The following PCDHA9 variants were observed in gnomAD, a reference collection of about 807,000 sequenced individuals.
PCDHA9 encodes protocadherin alpha 9, also known as protocadherin alpha-9.
A neutral mutation model predicts 62.0 loss-of-function variants in PCDHA9; 62 were observed. The observed-to-expected ratio is 1.00, with a 90% confidence interval of 0.81 to 1.23. The LOEUF is 1.23. PCDHA9 is among the 50% of genes most tolerant of loss of function. The pLI is 0.00. For missense variants in PCDHA9, 1,205 were observed against 1,249.8 expected (o/e 0.96, Z 0.54); for synonymous variants, 557 against 567.6 (o/e 0.98, Z 0.27).
intron 1 of PCDHA9, among the ~76,000 whole-genome samples, chr5:140,899,128 T>A (rs1217010779): frequency 3.9e-5 from 6 of 152,160 alleles, no homozygotes; most frequent in Non-Finnish European, 7.3e-5. Context: ...CAATCATGTC[T>A]TCTGCAAACA....
intron 1 of PCDHA9, among the ~76,000 whole-genome samples, chr5:140,921,390 T>G (rs2080194479): frequency 6.6e-6 from 1 of 152,164 alleles, no homozygotes; most frequent in Non-Finnish European, 1.5e-5. Context: ...TTGATAAACA[T>G]TCACACTAGA....
In PCDHA9 at chr5:140,849,670, A is replaced by G. The variant is rs2150444272; in HGVS notation, c.1175A>G (p.His392Arg). Residue 392 changes from histidine to arginine, a missense_variant, in exon 1 of 4, where the codon CAC (histidine) becomes CGC (arginine). His to Arg is a conservative substitution (Grantham distance 29, BLOSUM62 0). Coordinates refer to ENST00000532602, the MANE Select transcript of PCDHA9 (RefSeq NM_031857.2). ...NGQVTCSLTP[H>R]VPFKLVSTYK... is the part of the protein sequence containing the mutation. The stretch of plus-strand genomic sequence containing the variant: ...CAGGTTACCTGCTCCCTGACGCCCC[A>G]CGTCCCCTTCAAGCTGGTGTCCACC... The G allele has an allele frequency of 1.7e-5, 27 of 1,598,602 alleles. 2 individuals carry two copies. The highest frequency in any genetic ancestry group is 9.9e-5 in the South Asian group (9 of 90,546).
intron 1 of PCDHA9, chr5:140,875,574 C>A (rs368911944): frequency 2.2e-5 from 35 of 1,613,978 alleles, no homozygotes; most frequent in East Asian, 6.7e-5. Context: ...TCCACTACTC[C>A]GTCTACGAGG....
At chr5:140,925,854 G>C (rs1333353083) in intron 1 of PCDHA9, among the ~76,000 whole-genome samples, 1 of 152,014 alleles carries the variant, frequency 6.6e-6, no homozygotes, top group African/African-American at 2.4e-5. Flanking sequence ...TGAGTTTCTA[G>C]TTATTGCTAT....
At chr5:140,884,559 C>T (rs782174598) in intron 1 of PCDHA9, 2 of 1,614,094 alleles carry the variant, frequency 1.2e-6, no homozygotes, top group Admixed American at 1.7e-5. Context: ...GGGGAGGGCC[C>T]GCATAAGACG....
chr5:140,859,320 G>A (rs1374549537), intron 1 of PCDHA9: 1 of 128,738 alleles, frequency 7.8e-6, no homozygotes, highest in African/African-American at 2.7e-5. Context: ...TTAAAAGTTT[G>A]AGGAGAAAAT....
chr5:140,906,194 A>C (rs543979654), intron 1 of PCDHA9, among the ~76,000 whole-genome samples: 6 of 152,288 alleles, frequency 3.9e-5, no homozygotes, highest in African/African-American at 1.2e-4. Context: ...AATCCAATCA[A>C]GTTGACACTC....
At chr5:141,009,345 G>C (rs1409011729) in intron 3 of PCDHA9, among the ~76,000 whole-genome samples, 1 of 152,164 alleles carries the variant, frequency 6.6e-6, no homozygotes, top group African/African-American at 2.4e-5. Context: ...TGTAGTTCCA[G>C]CTACTTGGGA....
intron 3 of PCDHA9, among the ~76,000 whole-genome samples, chr5:141,007,772 G>T (rs1384054820): frequency 6.6e-6 from 1 of 152,122 alleles, no homozygotes; most frequent in Non-Finnish European, 1.5e-5. Context: ...GCCTGGAAAT[G>T]GTACTGCTTT....
At chr5:140,966,983 G>T (rs782294035) in intron 1 of PCDHA9, 1 of 1,603,778 alleles carries the variant, frequency 6.2e-7, no homozygotes, top group Non-Finnish European at 8.5e-7. Flanking sequence ...GCGGCGCTTG[G>T]GGCCGGGTTG....
intron 1 of PCDHA9, chr5:140,929,129 C>A (rs1206531954): frequency 6.2e-7 from 1 of 1,614,052 alleles, no homozygotes; most frequent in East Asian, 2.2e-5. Context: ...GATGTCACTA[C>A]AGTTGAGAGA....
At chr5:140,941,210 T>TCTTC (rs1480454721) in intron 1 of PCDHA9, among the ~76,000 whole-genome samples, 3 of 100,630 alleles carry the variant, frequency 3.0e-5, no homozygotes, top group Non-Finnish European at 5.7e-5. Context: ...TTCCTTTCTT[T>TCTTC]CTTCCTTTCT....
At chr5:140,870,638 A>G in intron 1 of PCDHA9, 1 of 1,612,842 alleles carries the variant, frequency 6.2e-7, no homozygotes, top group East Asian at 2.2e-5. Flanking sequence ...GTGCACGCGG[A>G]GAGCGGCAAG....
At chr5:140,881,340 C>T (rs782406068) in intron 1 of PCDHA9, 10 of 984,934 alleles carry the variant, frequency 1.0e-5, no homozygotes, top group African/African-American at 5.2e-5. Context: ...GACGCCGATT[C>T]GGGCTACAAT....
intron 1 of PCDHA9, chr5:140,882,402 T>A (rs782437506): frequency 3.7e-6 from 6 of 1,614,052 alleles, no homozygotes; most frequent in South Asian, 1.1e-5. Flanking sequence ...GGCACCTTCG[T>A]GGGCCGCATC....
chr5:140,992,463 C>T (rs1416840803), intron 3 of PCDHA9, among the ~76,000 whole-genome samples: 1 of 152,162 alleles, frequency 6.6e-6, no homozygotes, highest in Non-Finnish European at 1.5e-5. Flanking sequence ...GAGGACAGTA[C>T]TCTTTAGATC....
chr5:141,012,182 A>T lies in PCDHA9; in HGVS notation c.*2245A>T, dbSNP rs1334407628. On this transcript the variant is annotated 3_prime_UTR_variant, in exon 4 of 4. Coordinates refer to ENST00000532602, the MANE Select transcript of PCDHA9 (RefSeq NM_031857.2). ...CTAATTTATTAATGATGATAATTATAATGTATCTGTACAGCACTTTTTACA... is the reference window on the plus strand; with the variant it reads ...CTAATTTATTAATGATGATAATTATTATGTATCTGTACAGCACTTTTTACA... 6.5e-6 allele frequency: 1 copy of T among 153,776 alleles called. No homozygotes were observed. The highest frequency in any genetic ancestry group is 1.5e-5 in the Non-Finnish European group (1 of 68,050). 9.5% of individuals were successfully genotyped at this position (153,776 alleles called of 1,614,324 possible).
chr5:140,947,035 A>T (rs2094072055), intron 1 of PCDHA9, among the ~76,000 whole-genome samples: 1 of 151,748 alleles, frequency 6.6e-6, no homozygotes, highest in Admixed American at 6.6e-5. Flanking sequence ...GGATATACTA[A>T]TTACCCTGAT....
chr5:140,943,467 G>C lies in PCDHA9; in HGVS notation c.2395-35482G>C, dbSNP rs559827697. 2.0e-5 allele frequency among the ~76,000 whole-genome samples: 3 copies of C among 152,126 alleles called. No individual in the cohort carries two copies. The East Asian group carries it at 5.8e-4, about 29-fold the overall frequency. On this transcript the variant is annotated intron_variant, in intron 1 of 3. Coordinates refer to ENST00000532602, the MANE Select transcript of PCDHA9 (RefSeq NM_031857.2). ...AGAATTGATAAGGCTAAATGTGGGA[G>C]ATACAGTAAAATAATAAATAGATGC... is the stretch of plus-strand genomic sequence containing the variant.
Sources: allele counts gnomAD v4.1 joint callset (sites outside exome capture counted in the v4.1 genomes callset), GRCh38; gene constraint gnomAD v4.1.1; transcripts MANE v1.5; gene names NCBI Gene and HGNC (gene_info 2026-07-23, HGNC 2026-07-21).